Variants in DLGAP1 observed in about 807,000 individuals in gnomAD.
The protein encoded by DLGAP1 is disks large-associated protein 1.
In DLGAP1, 11 loss-of-function variants were observed where a neutral mutation model predicts 90.8. The ratio of observed to expected loss-of-function variants is 0.12; its 90% CI spans 0.08 to 0.20. DLGAP1 has a LOEUF of 0.20. Ranked by LOEUF, DLGAP1 falls within the 10% of genes least tolerant of loss-of-function variation. DLGAP1 has a pLI of 1.00. For missense variants in DLGAP1, 1,050 were observed against 1,333.8 expected (o/e 0.79, Z 3.31); for synonymous variants, 558 against 540.7 (o/e 1.03, Z -0.44).
At chr18:4,213,614 T>A (rs1266933306) in intron 1 of DLGAP1, among the ~76,000 whole-genome samples, 7 of 152,112 alleles carry the variant, frequency 4.6e-5, no homozygotes, top group Non-Finnish European at 8.8e-5. Context: ...ATGGGAAATT[T>A]TAGTAGAAAT....
chr18:3,524,909 C>T (rs370330712), intron 10 of DLGAP1, among the ~76,000 whole-genome samples: 3 of 152,184 alleles, frequency 2.0e-5, no homozygotes, highest in Non-Finnish European at 4.4e-5. Context: ...CAAAACGTCT[C>T]CATAGAAAAC....
At chr18:4,098,189 C>T (rs34876860) in intron 2 of DLGAP1, among the ~76,000 whole-genome samples, 45,027 of 152,138 alleles carry the variant, frequency 0.3, 6,736 homozygotes, top group Middle Eastern at 0.32. Flanking sequence ...GCTGGGATTA[C>T]AGGCAGGAGC....
intron 1 of DLGAP1, among the ~76,000 whole-genome samples, chr18:4,418,807 G>C (rs2082962990): frequency 6.6e-6 from 1 of 151,794 alleles, no homozygotes; most frequent in Admixed American, 6.6e-5. Flanking sequence ...AGAAATCATG[G>C]CTGTGAATTT....
In DLGAP1 at chr18:3,619,203, A is replaced by T. The variant is rs1262519414; in HGVS notation, c.1592-36955T>A. On this transcript the variant is annotated intron_variant, in intron 7 of 12. Coordinates refer to ENST00000315677, the MANE Select transcript of DLGAP1 (RefSeq NM_004746.4). The stretch of plus-strand genomic sequence containing the variant: ...GGCACCCCATCTATGGTACTTAGTT[A>T]TGGCAGCCCTAGCAAACTAACATAC... 3.3e-5 allele frequency among the ~76,000 whole-genome samples: 5 copies of T among 152,218 alleles called. No individual in the cohort carries two copies. The East Asian group carries it at 7.7e-4, about 23-fold the overall frequency.
At position 3,824,164 on chromosome 18, in the gene DLGAP1, T is replaced by C. The variant is rs1489801557; in HGVS notation, c.958-9891A>G. 2.0e-5 allele frequency among the ~76,000 whole-genome samples: 3 copies of C among 152,148 alleles called. No individual in the cohort carries two copies. The South Asian group carries it at 6.2e-4, about 32-fold the overall frequency. ...ATTATTGTTATAGTTACTAGTGTGC[T>C]GGTGTCTATCCACCATATCCTATGA... On this transcript the variant is annotated intron_variant, in intron 4 of 12. Transcript: ENST00000315677.
intron 1 of DLGAP1, among the ~76,000 whole-genome samples, chr18:4,255,826 A>G (rs2078877759): frequency 1.3e-5 from 2 of 152,222 alleles, no homozygotes; most frequent in Non-Finnish European, 2.9e-5. Context: ...AACATATAAA[A>G]AAGCTATTTT....
rs111991835 is a variant in DLGAP1 at position 3,945,871 on chromosome 18, T to C, written c.-73+59245A>G. On this transcript the variant is annotated intron_variant, in intron 3 of 12. Transcript: ENST00000315677. ...TTTAAATATAATGAAAATATTACCATATAGTTATGGGAATAGATGCCACTG... is the reference window on the plus strand; with the variant it reads ...TTTAAATATAATGAAAATATTACCACATAGTTATGGGAATAGATGCCACTG... 2.1e-3 allele frequency among the ~76,000 whole-genome samples: 313 copies of C among 152,290 alleles called. 2 individuals are homozygous for C. Among genetic ancestry groups the C allele is most frequent in the African/African-American group, 7.3e-3 (305 of 41,572 alleles).
intron 5 of DLGAP1, among the ~76,000 whole-genome samples, chr18:3,807,619 G>C (rs1321072519): frequency 6.6e-6 from 1 of 151,070 alleles, no homozygotes; most frequent in African/African-American, 2.4e-5. Flanking sequence ...TTTGGGATAC[G>C]TGTACAGGAT....
At chr18:4,025,719 G>A (rs1442385) in intron 2 of DLGAP1, among the ~76,000 whole-genome samples, 34,832 of 151,920 alleles carry the variant, frequency 0.23, 4,257 homozygotes, top group South Asian at 0.4. Context: ...ATTTTCTGCT[G>A]ATAATTACTA....
chr18:3,934,956 G>A (rs1484213059), intron 3 of DLGAP1, among the ~76,000 whole-genome samples: 1 of 152,222 alleles, frequency 6.6e-6, no homozygotes, highest in Non-Finnish European at 1.5e-5. Context: ...CCATTTCTCA[G>A]TGCTGTGTAG....
At chr18:4,366,004 T>A (rs1244322427) in intron 1 of DLGAP1, among the ~76,000 whole-genome samples, 1 of 152,138 alleles carries the variant, frequency 6.6e-6, no homozygotes, top group Non-Finnish European at 1.5e-5. Context: ...ATTATATTAA[T>A]GTTGAAGTAA....
At chr18:3,953,137 A>G (rs11874769) in intron 3 of DLGAP1, among the ~76,000 whole-genome samples, 24,712 of 152,186 alleles carry the variant, frequency 0.16, 2,132 homozygotes, top group Middle Eastern at 0.22. Context: ...AGCTCCTGAA[A>G]TGGTGTGTCC....
intron 1 of DLGAP1, among the ~76,000 whole-genome samples, chr18:4,357,206 T>G (rs1235674932): frequency 1.4e-5 from 2 of 138,756 alleles, no homozygotes; most frequent in Admixed American, 8.3e-5. Context: ...CAGGCTAGAG[T>G]GCAGTAGCAC....
At chr18:3,590,241 C>A (rs1200200568) in intron 7 of DLGAP1, among the ~76,000 whole-genome samples, 1 of 152,122 alleles carries the variant, frequency 6.6e-6, no homozygotes, top group Admixed American at 6.5e-5. Context: ...TTTTTAAAAT[C>A]TAATGGGGTT....
chr18:3,569,290 G>C (rs985177436), intron 8 of DLGAP1, among the ~76,000 whole-genome samples: 3 of 151,892 alleles, frequency 2.0e-5, no homozygotes, highest in African/African-American at 7.2e-5. Flanking sequence ...GTGAGCCACC[G>C]CACCTGGACA....
intron 5 of DLGAP1, among the ~76,000 whole-genome samples, chr18:3,800,626 C>T (rs1225699301): frequency 6.6e-6 from 1 of 151,684 alleles, no homozygotes; most frequent in Non-Finnish European, 1.5e-5. Context: ...AGAATTCTTA[C>T]CTCTATGGAG....
At chr18:4,096,599 C>G (rs1274354630) in intron 2 of DLGAP1, among the ~76,000 whole-genome samples, 2 of 151,774 alleles carry the variant, frequency 1.3e-5, no homozygotes, top group Non-Finnish European at 2.9e-5. Flanking sequence ...GTCAACTGAC[C>G]TATATTTCCT....
intron 1 of DLGAP1, among the ~76,000 whole-genome samples, chr18:4,271,524 G>A (rs1401733866): frequency 6.6e-6 from 1 of 152,090 alleles, no homozygotes; most frequent in East Asian, 1.9e-4. Flanking sequence ...CAAATTTGTT[G>A]GGAATTTTTC....
At chr18:3,580,888 T>C in intron 8 of DLGAP1, 1 of 871,828 alleles carries the variant, frequency 1.1e-6, no homozygotes, top group South Asian at 1.5e-5. Context: ...CAGTAGCGTC[T>C]GCCCTGAGCT....
Sources: gnomAD v4.1 joint callset for allele counts (sites outside exome capture counted in the v4.1 genomes callset) on GRCh38, gnomAD v4.1.1 for gene constraint, MANE v1.5 for transcripts, NCBI Gene and HGNC (gene_info 2026-07-23, HGNC 2026-07-21) for gene names.